The following STK3 variants were observed in gnomAD, a reference collection of about 807,000 sequenced individuals.
STK3 encodes the protein serine/threonine-protein kinase 3.
STK3 carries 41 observed loss-of-function variants against 58.0 expected under a neutral mutation model. The ratio of observed to expected loss-of-function variants is 0.71; its 90% CI spans 0.55 to 0.92. The LOEUF (loss-of-function observed/expected upper bound fraction) is 0.92. STK3 is among the 40% of genes least tolerant of loss of function. STK3 has a pLI of 0.00. For missense variants in STK3, 479 were observed against 602.7 expected (o/e 0.79, Z 2.15); for synonymous variants, 170 against 191.0 (o/e 0.89, Z 0.91).
chr8:98,441,689 G>A (rs1053559118), intron 1 of STK3, among the ~76,000 whole-genome samples: 4 of 152,178 alleles, frequency 2.6e-5, no homozygotes, highest in African/African-American at 7.2e-5. Flanking sequence ...TATAACCAGT[G>A]GTGGAGAATC....
At chr8:98,600,049 G>A (rs1048147640) in intron 6 of STK3, among the ~76,000 whole-genome samples, 3 of 152,160 alleles carry the variant, frequency 2.0e-5, no homozygotes, top group African/African-American at 7.2e-5. Context: ...ATTTTGAAGA[G>A]AATAGTAAAT....
intron 3 of STK3, among the ~76,000 whole-genome samples, chr8:98,836,929 T>C (rs1051316282): frequency 6.6e-6 from 1 of 152,214 alleles, no homozygotes; most frequent in Admixed American, 6.5e-5. Flanking sequence ...AAACACAAGA[T>C]ACATAAGCAC....
At chr8:98,396,459 A>G (rs1415919097), downstream of STK3, among the ~76,000 whole-genome samples, 1 of 152,132 alleles carries the variant, frequency 6.6e-6, no homozygotes, top group Non-Finnish European at 1.5e-5. Flanking sequence ...TCATGGTAAG[A>G]GGGGTGGTTG....
chr8:98,348,678 A>G, the STK3 span, among the ~76,000 whole-genome samples: 4 of 152,252 alleles, frequency 2.6e-5, no homozygotes, highest in Admixed American at 1.3e-4. Context: ...TCAACATTAT[A>G]TGTCATTAGG....
At chr8:98,504,696 T>G (rs531303866) in intron 10 of STK3, among the ~76,000 whole-genome samples, 2 of 152,296 alleles carry the variant, frequency 1.3e-5, no homozygotes, top group South Asian at 4.1e-4. Flanking sequence ...ATTCATTTCT[T>G]TAAGAATGTT....
At chr8:98,745,251 A>G (rs1481911728) in intron 4 of STK3, among the ~76,000 whole-genome samples, 3 of 152,234 alleles carry the variant, frequency 2.0e-5, no homozygotes, top group Non-Finnish European at 4.4e-5. Flanking sequence ...TGGCCACCCA[A>G]AACATTATTT....
At chr8:98,821,793 T>C (rs1311967017) in intron 1 of STK3, among the ~76,000 whole-genome samples, 4 of 152,162 alleles carry the variant, frequency 2.6e-5, no homozygotes, top group Non-Finnish European at 4.4e-5. Context: ...ACCACATCTA[T>C]TGCCTATGTT....
chr8:98,869,087 GA>G (rs1302992061), intron 3 of STK3, among the ~76,000 whole-genome samples: 72 of 144,740 alleles, frequency 5.0e-4, no homozygotes, highest in African/African-American at 2.0e-3. Context: ...AGGAAGGAGA[GA>G]AAGAGAAAAT....
rs552218115 is a variant in STK3 at position 98,790,460 on chromosome 8, C to T, written c.27-15641G>A. ...CAGATGCAGAAAAGCATTCAACAAA[C>T]TCCAACATCCCTCTATGATTAAAAC... On this transcript the variant is annotated intron_variant, in intron 1 of 10. Transcript: ENST00000419617. Among the ~76,000 whole-genome samples the T allele has an allele frequency of 2.0e-5, 3 of 152,264 alleles. No homozygotes were observed. In the South Asian group the frequency reaches 6.2e-4, roughly 32 times the overall value.
chr8:98,922,086 G>A (rs1044580554), intron 1 of STK3, among the ~76,000 whole-genome samples: 111 of 152,268 alleles, frequency 7.3e-4, no homozygotes, highest in African/African-American at 2.6e-3. Flanking sequence ...GGCCAATAAG[G>A]CTTAAGAGGG....
chr8:98,666,366 C>T (rs1198817425), intron 6 of STK3, among the ~76,000 whole-genome samples: 1 of 151,982 alleles, frequency 6.6e-6, no homozygotes, highest in African/African-American at 2.4e-5. Flanking sequence ...GAAAAAGTAA[C>T]CTTATAGTAA....
At chr8:98,378,540 G>A (rs1817698779) in intron 2 of STK3, among the ~76,000 whole-genome samples, 1 of 152,196 alleles carries the variant, frequency 6.6e-6, no homozygotes, top group African/African-American at 2.4e-5. Flanking sequence ...ATGGATAAAA[G>A]AATAGTATTT....
chr8:98,844,024 A>G (rs1367390044), intron 3 of STK3, among the ~76,000 whole-genome samples: 2 of 152,204 alleles, frequency 1.3e-5, no homozygotes, highest in South Asian at 2.1e-4. Context: ...AGCCAGGTGC[A>G]GTGGCACATT....
chr8:98,903,545 TTCTTCTTCTTCC>T (rs1564093566), intron 1 of STK3, among the ~76,000 whole-genome samples: 13 of 24,056 alleles, frequency 5.4e-4, no homozygotes, highest in East Asian at 4.5e-3. Flanking sequence ...CTTCTTCTTC[TTCTTCTTCTTCC>T]TTTTTTTTTT....
At chr8:98,557,049 A>G (rs1038741165) in intron 8 of STK3, among the ~76,000 whole-genome samples, 1 of 152,128 alleles carries the variant, frequency 6.6e-6, no homozygotes, top group African/African-American at 2.4e-5. Context: ...ATGATCAAGG[A>G]AATGAAATCT....
intron 3 of STK3, among the ~76,000 whole-genome samples, chr8:98,395,411 T>C (rs758330559): frequency 6.6e-6 from 1 of 152,236 alleles, no homozygotes; most frequent in African/African-American, 2.4e-5. Context: ...TTTATCCATT[T>C]GGCAGAAGCC....
intron 1 of STK3, among the ~76,000 whole-genome samples, chr8:98,387,934 G>C (rs975946884): frequency 3.4e-5 from 5 of 145,662 alleles, no homozygotes; most frequent in African/African-American, 1.3e-4. Flanking sequence ...TGGAAACCAA[G>C]AAAGATAGCA....
chr8:98,566,069 G>C lies in STK3; in HGVS notation c.948+13595C>G, dbSNP rs138559662. On this transcript the variant is annotated intron_variant, in intron 8 of 10. Transcript: ENST00000419617. ...TTTAGAAATCTGTACAATTACCTCA[G>C]CACCTATCAAAACATGTCAATTTGT... Among the ~76,000 whole-genome samples the C allele has an allele frequency of 7.9e-5, 12 of 152,146 alleles. No individual in the cohort carries two copies. The East Asian group carries it at 2.1e-3, about 27-fold the overall frequency.
chr8:98,918,665 G>T (rs1336586063), intron 1 of STK3, among the ~76,000 whole-genome samples: 1 of 152,060 alleles, frequency 6.6e-6, no homozygotes, highest in Non-Finnish European at 1.5e-5. Context: ...CTACTCAGAA[G>T]GCTGAGGCAA....
Sources: allele counts gnomAD v4.1 joint callset (sites outside exome capture counted in the v4.1 genomes callset), GRCh38; gene constraint gnomAD v4.1.1; transcripts MANE v1.5; gene names NCBI Gene and HGNC (gene_info 2026-07-23, HGNC 2026-07-21).